ADAMTSL1: variants seen among roughly 807,000 people sequenced by gnomAD.
The protein encoded by ADAMTSL1 is ADAMTS like 1.
Under a neutral mutation model 201.8 loss-of-function variants are expected in ADAMTSL1, and 126 were observed. The observed-to-expected ratio is 0.62, with a 90% confidence interval of 0.54 to 0.72. The LOEUF (loss-of-function observed/expected upper bound fraction) is 0.72, where lower values mean the gene tolerates loss of function less well. Among genes scored for constraint, ADAMTSL1 ranks in the 30% least tolerant of loss-of-function variants. The pLI is 0.00. For synonymous variants in ADAMTSL1, 1,121 were observed against 903.4 expected, an observed-to-expected ratio of 1.24 and a Z score of -4.32; for missense variants, 2,679 against 2,277.8, an observed-to-expected ratio of 1.18 and a Z score of -3.59.
Position 17,968,934 on chromosome 9 carries a change from CA to C in ADAMTSL1, c.87+62013del, listed in dbSNP as rs1818088777. 3.3e-5 allele frequency among the ~76,000 whole-genome samples: 5 copies of C among 152,114 alleles called. No individual in the cohort carries two copies. In the South Asian group the frequency reaches 1.0e-3, roughly 32 times the overall value. ...TACAGCTAGTACTGGTTTTTAATTG[CA>C]TCGACCCAGAAGATATTTCCAATGT... On this transcript the variant is annotated intron_variant, in intron 1 of 29. Transcript: ENST00000680146.
At chr9:18,443,233 A>G (rs963370122) in intron 2 of ADAMTSL1, among the ~76,000 whole-genome samples, 27 of 152,182 alleles carry the variant, frequency 1.8e-4, no homozygotes, top group African/African-American at 6.5e-4. Context: ...CTAAAGTTGT[A>G]ATTTCATCTT....
In ADAMTSL1 at chr9:18,303,688, G is replaced by A. The variant is rs574293342; in HGVS notation, c.207+139707G>A. On this transcript the variant is annotated intron_variant, in intron 2 of 29. Transcript: ENST00000680146. The stretch of plus-strand genomic sequence containing the variant: ...AGAGCGCGGAAAGGCAGGGATGGGG[G>A]TATGAAATAGTGGACCTTGCTGAAC... Among the ~76,000 whole-genome samples, 155 of 152,184 alleles carry A rather than the reference G, an allele frequency of 1.0e-3. 1 individual carries two copies. The highest frequency in any genetic ancestry group is 1.7e-3 in the Non-Finnish European group (116 of 68,042).
At chr9:18,776,725 G>A (rs1224025068) in intron 18 of ADAMTSL1, 56 bp from the exon 19 acceptor site, 3 of 1,480,414 alleles carry the variant, frequency 2.0e-6, no homozygotes, top group African/African-American at 2.8e-5. Flanking sequence ...ATCTCACTCT[G>A]GGTTTTCTCT....
chr9:18,046,486 TTA>T (rs1821664539), intron 1 of ADAMTSL1, among the ~76,000 whole-genome samples: 2 of 152,170 alleles, frequency 1.3e-5, no homozygotes, highest in African/African-American at 4.8e-5. Context: ...CTATTCACAT[TTA>T]ACTGGCTAAA....
At chr9:18,295,134 C>T (rs1016755361) in intron 2 of ADAMTSL1, among the ~76,000 whole-genome samples, 2 of 152,058 alleles carry the variant, frequency 1.3e-5, no homozygotes, top group Admixed American at 6.5e-5. Context: ...CACTATATAA[C>T]ATGGTCACTA....
At chr9:18,303,549 CTG>C (rs1833786539) in intron 2 of ADAMTSL1, among the ~76,000 whole-genome samples, 1 of 152,166 alleles carries the variant, frequency 6.6e-6, no homozygotes, top group Non-Finnish European at 1.5e-5. Context: ...AACAGAGTCA[CTG>C]TGAGTGGGTT....
At chr9:18,825,314 C>T (rs1418834650) in intron 21 of ADAMTSL1, among the ~76,000 whole-genome samples, 3 of 152,146 alleles carry the variant, frequency 2.0e-5, no homozygotes, top group Non-Finnish European at 4.4e-5. Context: ...AGAGAGAGCC[C>T]ATCCCAGGTC....
chr9:17,995,795 A>T (rs1819350618), intron 1 of ADAMTSL1, among the ~76,000 whole-genome samples: 1 of 151,578 alleles, frequency 6.6e-6, no homozygotes, highest in Non-Finnish European at 1.5e-5. Context: ...TGTATTATTT[A>T]TGGCATACTG....
At chr9:18,892,331 C>G in intron 25 of ADAMTSL1, 58 bp from the exon 26 acceptor site, 2 of 1,529,304 alleles carry the variant, frequency 1.3e-6, no homozygotes, top group Non-Finnish European at 8.9e-7. Context: ...GGGAGGAGGT[C>G]TCTTTTCCCC....
intron 3 of ADAMTSL1, among the ~76,000 whole-genome samples, chr9:18,546,970 A>T (rs1934931): frequency 1.3e-5 from 2 of 151,942 alleles, no homozygotes; most frequent in African/African-American, 4.8e-5. Flanking sequence ...TCTAAATTTT[A>T]CGTGGCTATT....
intron 1 of ADAMTSL1, among the ~76,000 whole-genome samples, chr9:17,971,880 C>G (rs1055540478): frequency 9.2e-5 from 14 of 151,828 alleles, no homozygotes; most frequent in African/African-American, 2.9e-4. Flanking sequence ...TTCTGTGATA[C>G]TAATCAGAAC....
At chr9:18,669,050 A>G (rs1456214487) in intron 9 of ADAMTSL1, among the ~76,000 whole-genome samples, 1 of 152,210 alleles carries the variant, frequency 6.6e-6, no homozygotes, top group Non-Finnish European at 1.5e-5. Flanking sequence ...CAAATCCCAC[A>G]GTCATCCTTG....
intron 2 of ADAMTSL1, among the ~76,000 whole-genome samples, chr9:18,459,426 C>G (rs1039087346): frequency 2.6e-5 from 4 of 152,108 alleles, no homozygotes; most frequent in Non-Finnish European, 5.9e-5. Context: ...CTCTGTTGCA[C>G]TTGAGGCCTT....
rs150866246 is a variant in ADAMTSL1, at chr9:18,279,870, C to T, written c.207+115889C>T. On this transcript the variant is annotated intron_variant, in intron 2 of 29. Transcript: ENST00000680146. ...GGTCTGTGGGTGTTAGCCTGGATCCCGGGGCCACCAGGACCAGCCTGGTGC... is the reference window on the plus strand; with the variant it reads ...GGTCTGTGGGTGTTAGCCTGGATCCTGGGGCCACCAGGACCAGCCTGGTGC... 1.3e-3 allele frequency among the ~76,000 whole-genome samples: 205 copies of T among 151,894 alleles called. 1 individual carries two copies. Among genetic ancestry groups the T allele is most frequent in the African/African-American group, 4.2e-3 (176 of 41,464 alleles).
chr9:18,314,379 T>A (rs1375484723), intron 2 of ADAMTSL1, among the ~76,000 whole-genome samples: 1 of 152,114 alleles, frequency 6.6e-6, no homozygotes, highest in East Asian at 1.9e-4. Flanking sequence ...GCAGTGAGTG[T>A]TACAGTTCTT....
At chr9:18,664,507 G>A (rs1292853520) in intron 9 of ADAMTSL1, among the ~76,000 whole-genome samples, 1 of 152,048 alleles carries the variant, frequency 6.6e-6, no homozygotes, top group East Asian at 1.9e-4. Flanking sequence ...TTGGTATAAA[G>A]TCACATGTTT....
chr9:18,689,912 G>C (rs974892339), intron 13 of ADAMTSL1, among the ~76,000 whole-genome samples: 1 of 152,176 alleles, frequency 6.6e-6, no homozygotes, highest in African/African-American at 2.4e-5. Context: ...GCTTTGCATG[G>C]TTAGGAGACT....
At chr9:18,183,796 T>C (rs193262653) in intron 2 of ADAMTSL1, among the ~76,000 whole-genome samples, 19 of 152,340 alleles carry the variant, frequency 1.2e-4, no homozygotes, top group Non-Finnish European at 2.2e-4. Flanking sequence ...TTGGATGACA[T>C]TGGACGTAAC....
intron 2 of ADAMTSL1, among the ~76,000 whole-genome samples, chr9:18,256,271 A>C (rs1587408843): frequency 1.3e-5 from 2 of 152,142 alleles, no homozygotes; most frequent in Non-Finnish European, 2.9e-5. Flanking sequence ...ACAGGCTGGG[A>C]CGTTTGTCTA....
Sources: gnomAD v4.1 joint callset for allele counts (sites outside exome capture counted in the v4.1 genomes callset) on GRCh38, gnomAD v4.1.1 for gene constraint, MANE v1.5 for transcripts, NCBI Gene and HGNC (gene_info 2026-07-23, HGNC 2026-07-21) for gene names.